Variants in CDH12 observed in about 807,000 individuals in gnomAD.
CDH12 encodes the protein cadherin-12.
A neutral mutation model predicts 74.1 loss-of-function variants in CDH12; 41 were observed. The ratio of observed to expected loss-of-function variants is 0.55; its 90% confidence interval spans 0.43 to 0.72. The LOEUF (loss-of-function observed/expected upper bound fraction) is 0.72, where lower values mean the gene tolerates loss of function less well. Ranked by LOEUF, CDH12 falls within the 30% of genes least tolerant of loss-of-function variation. The pLI, the probability that CDH12 is intolerant of heterozygous loss-of-function variation, is 0.00. For missense variants in CDH12, 945 were observed against 977.2 expected (o/e 0.97, Z 0.44); for synonymous variants, 399 against 355.0 (o/e 1.12, Z -1.39).
chr5:21,866,209 A>G (rs1422505954), intron 6 of CDH12, among the ~76,000 whole-genome samples: 2 of 152,332 alleles, frequency 1.3e-5, no homozygotes, highest in East Asian at 3.9e-4. Flanking sequence ...GGCAGTGTGA[A>G]AAAGGACTAA....
At chr5:21,822,831 G>C (rs1226089358) in intron 8 of CDH12, among the ~76,000 whole-genome samples, 1 of 152,014 alleles carries the variant, frequency 6.6e-6, no homozygotes, top group Non-Finnish European at 1.5e-5. Context: ...TCATATTAAT[G>C]AATTAAGATT....
intron 6 of CDH12, among the ~76,000 whole-genome samples, chr5:21,868,403 C>A (rs952619485): frequency 6.6e-6 from 1 of 152,134 alleles, no homozygotes; most frequent in African/African-American, 2.4e-5. Context: ...AACTGTAGGG[C>A]CATCAGCATG....
At chr5:22,028,949 A>G (rs966858837) in intron 5 of CDH12, among the ~76,000 whole-genome samples, 1 of 152,204 alleles carries the variant, frequency 6.6e-6, no homozygotes, top group Non-Finnish European at 1.5e-5. Context: ...GCCCTCAGAA[A>G]TAACGCCACA....
intron 3 of CDH12, among the ~76,000 whole-genome samples, chr5:22,394,439 G>A (rs545200502): frequency 6.6e-6 from 1 of 152,246 alleles, no homozygotes; most frequent in South Asian, 2.1e-4. Flanking sequence ...CTACTCAGCT[G>A]TAAATGTGTG....
At chr5:22,306,069 C>T (rs1172092114) in intron 3 of CDH12, among the ~76,000 whole-genome samples, 1 of 152,140 alleles carries the variant, frequency 6.6e-6, no homozygotes, top group African/African-American at 2.4e-5. Context: ...TCTCCCTGTG[C>T]CATGCTCTTT....
At chr5:22,053,009 T>C (rs1740486365) in intron 5 of CDH12, among the ~76,000 whole-genome samples, 1 of 151,946 alleles carries the variant, frequency 6.6e-6, no homozygotes, top group African/African-American at 2.4e-5. Flanking sequence ...CTAATACACT[T>C]ACTTATTGAA....
intron 10 of CDH12, among the ~76,000 whole-genome samples, chr5:21,785,076 CT>C (rs377208690): frequency 0.058 from 7,196 of 124,134 alleles, 261 homozygotes; most frequent in East Asian, 0.17. Context: ...ATATTTCAAA[CT>C]TTTTAATTAA....
intron 5 of CDH12, among the ~76,000 whole-genome samples, chr5:22,078,007 A>G (rs1169048511): frequency 6.6e-6 from 1 of 152,156 alleles, no homozygotes. Flanking sequence ...GTCATTAAAG[A>G]ACACCAAGAT....
rs7724956 is a variant in CDH12 at position 22,775,548 on chromosome 5, A to C, written c.-523+77510T>G. On this transcript the variant is annotated intron_variant, in intron 1 of 14. Transcript: ENST00000382254. The stretch of plus-strand genomic sequence containing the variant: ...GGAGTAATTTTATACTAAAACAAAT[A>C]TAATTGGGCAACAAAAAAAAACTGG... Among the ~76,000 whole-genome samples the C allele has an allele frequency of 8.6e-3, 1,302 of 152,010 alleles. 15 individuals carry two copies. The highest frequency in any genetic ancestry group is 0.03 in the African/African-American group (1,225 of 41,510).
rs141621613 is a variant in CDH12, at chr5:22,580,575, C to T, written c.-522-75211G>A. On this transcript the variant is annotated intron_variant, in intron 1 of 14. Transcript: ENST00000382254. Reference sequence around the variant, plus strand: ...ATCAGGGCTGTATGTGTCTTGTGCTCACTCCATAAACTTTTGGATTTTTTT... The same window carrying T: ...ATCAGGGCTGTATGTGTCTTGTGCTTACTCCATAAACTTTTGGATTTTTTT... 400 of 466,024 alleles carry T rather than the reference C, an allele frequency of 8.6e-4. 1 individual carries two copies. The highest frequency in any genetic ancestry group is 1.9e-3 in the Admixed American group (80 of 43,186). The allele number at this position is 466,024 out of a possible 1,614,324, so 28.9% of individuals were successfully genotyped here.
chr5:21,902,109 C>A (rs1309695634), intron 6 of CDH12, among the ~76,000 whole-genome samples: 1 of 151,986 alleles, frequency 6.6e-6, no homozygotes. Flanking sequence ...TTATTCAATT[C>A]TATCTTTATT....
At chr5:22,730,020 T>C (rs1241028909) in intron 1 of CDH12, among the ~76,000 whole-genome samples, 1 of 151,908 alleles carries the variant, frequency 6.6e-6, no homozygotes, top group East Asian at 1.9e-4. Flanking sequence ...TTTAGTATAA[T>C]GTGTTTATAT....
intron 5 of CDH12, among the ~76,000 whole-genome samples, chr5:22,046,576 C>T (rs750949919): frequency 6.6e-6 from 1 of 151,616 alleles, no homozygotes; most frequent in African/African-American, 2.4e-5. Context: ...TTTCTTAATG[C>T]TCTGTTGTTT....
At chr5:22,301,480 A>G (rs572591476) in intron 3 of CDH12, among the ~76,000 whole-genome samples, 1 of 152,324 alleles carries the variant, frequency 6.6e-6, no homozygotes, top group African/African-American at 2.4e-5. Context: ...TCAGAAAATA[A>G]AAACTTGCAT....
At chr5:22,144,084 C>T (rs893911332) in intron 4 of CDH12, 2 of 152,100 alleles carry the variant, frequency 1.3e-5, no homozygotes, top group African/African-American at 4.8e-5. Flanking sequence ...TATTCTCAGA[C>T]CACTTCTACC....
chr5:22,049,498 C>G (rs1235309688), intron 5 of CDH12, among the ~76,000 whole-genome samples: 1 of 151,962 alleles, frequency 6.6e-6, no homozygotes, highest in African/African-American at 2.4e-5. Context: ...TGCCTAAGTT[C>G]AGCAGCCTTT....
intron 6 of CDH12, among the ~76,000 whole-genome samples, chr5:21,937,415 T>C (rs2150086604): frequency 6.6e-6 from 1 of 152,264 alleles, no homozygotes; most frequent in African/African-American, 2.4e-5. Flanking sequence ...TGGATACTGA[T>C]ACAATAGTCC....
intron 4 of CDH12, among the ~76,000 whole-genome samples, chr5:22,112,952 A>G (rs981481006): frequency 6.6e-6 from 1 of 152,200 alleles, no homozygotes; most frequent in Admixed American, 6.5e-5. Flanking sequence ...CATGACACAT[A>G]GTGAGCTTTC....
chr5:22,425,695 A>G (rs1743901015), intron 2 of CDH12, among the ~76,000 whole-genome samples: 2 of 151,804 alleles, frequency 1.3e-5, no homozygotes, highest in African/African-American at 4.8e-5. Context: ...CTTAATTTAT[A>G]TTACTTATAT....
Sources: gnomAD v4.1 joint callset for allele counts (sites outside exome capture counted in the v4.1 genomes callset) on GRCh38, gnomAD v4.1.1 for gene constraint, MANE v1.5 for transcripts, NCBI Gene and HGNC (gene_info 2026-07-23, HGNC 2026-07-21) for gene names.